Variants in APBB2 observed in about 807,000 individuals in gnomAD.
APBB2 encodes the protein Fe65-like 1.
Under a neutral mutation model 82.5 loss-of-function variants are expected in APBB2, and 38 were observed. The observed-to-expected ratio is 0.46, with a 90% CI of 0.36 to 0.60. The LOEUF (loss-of-function observed/expected upper bound fraction) is 0.60, where lower values mean the gene tolerates loss of function less well. APBB2 is among the 20% of genes least tolerant of loss of function. APBB2 has a pLI of 0.00. For synonymous variants in APBB2, 341 were observed against 368.2 expected (o/e 0.93, Z 0.85); for missense variants, 772 against 972.3 (o/e 0.79, Z 2.74).
chr4:40,907,365 ATATATATATATATATTTTTTTT>A (rs1244707973), intron 10 of APBB2, among the ~76,000 whole-genome samples: 13 of 85,028 alleles, frequency 1.5e-4, no homozygotes, highest in African/African-American at 9.8e-4. Flanking sequence ...ATATATATAT[ATATATATATATATATTTTTTTT>A]TTTTTTTTTT....
At chr4:40,992,821 A>G (rs1016125352) in intron 6 of APBB2, among the ~76,000 whole-genome samples, 4 of 152,144 alleles carry the variant, frequency 2.6e-5, no homozygotes, top group Non-Finnish European at 2.9e-5. Flanking sequence ...GGCAATGACG[A>G]ACAAGCCAAA....
intron 10 of APBB2, among the ~76,000 whole-genome samples, chr4:40,929,520 C>T (rs1471328773): frequency 6.6e-6 from 1 of 152,116 alleles, no homozygotes; most frequent in East Asian, 1.9e-4. Flanking sequence ...AGGATGGTCT[C>T]GATCTCCTGA....
chr4:40,982,325 A>AG (rs1250653516), intron 6 of APBB2, among the ~76,000 whole-genome samples: 1 of 60,142 alleles, frequency 1.7e-5, no homozygotes, highest in African/African-American at 7.1e-5. Context: ...AAAGAAAGAA[A>AG]AGAAAGAAGG....
intron 1 of APBB2, among the ~76,000 whole-genome samples, chr4:41,202,623 A>G (rs1776971026): frequency 6.6e-6 from 1 of 152,184 alleles, no homozygotes; most frequent in Non-Finnish European, 1.5e-5. Flanking sequence ...TTACAACTGC[A>G]TCACATAGAA....
chr4:41,177,055 T>C (rs939764520), intron 1 of APBB2, among the ~76,000 whole-genome samples: 1 of 151,894 alleles, frequency 6.6e-6, no homozygotes, highest in African/African-American at 2.4e-5. Flanking sequence ...TGGGCTGATG[T>C]CCTGGGTCCT....
rs1318281333 is a variant in APBB2 at position 40,880,978 on chromosome 4, T to C, written c.1529+9386A>G. On this transcript the variant is annotated intron_variant, in intron 12 of 17. Transcript: ENST00000508593. ...ATCTGTCTGAAAATGCCCTCCCACT[T>C]TCCTCTAAGGGAAACTGTTCTTGGA... 3.0e-6 allele frequency: 3 copies of C among 985,314 alleles called. No individual in the cohort carries two copies. In the African/African-American group the frequency reaches 5.2e-5, roughly 17 times the overall value. 61.0% of individuals were successfully genotyped at this position (985,314 alleles called of 1,614,324 possible).
chr4:41,153,584 T>C (rs1249456933), intron 1 of APBB2, among the ~76,000 whole-genome samples: 1 of 152,194 alleles, frequency 6.6e-6, no homozygotes, highest in East Asian at 1.9e-4. Flanking sequence ...TCTTGGCACC[T>C]AGTAGTACAA....
chr4:40,820,365 G>A (rs930729984), intron 17 of APBB2, among the ~76,000 whole-genome samples: 3 of 152,046 alleles, frequency 2.0e-5, no homozygotes, highest in South Asian at 2.1e-4. Flanking sequence ...CTGGATACTC[G>A]TCTAAAATCT....
intron 3 of APBB2, among the ~76,000 whole-genome samples, chr4:41,081,254 A>T (rs1737506647): frequency 6.6e-6 from 1 of 152,222 alleles, no homozygotes; most frequent in Non-Finnish European, 1.5e-5. Flanking sequence ...GATTCTGCAC[A>T]GCAGTGTGTG....
chr4:41,199,089 C>T lies in APBB2; in HGVS notation c.-417+15316G>A, dbSNP rs141016361. ...CAGTATGACCTCACCTTAACATCTG[C>T]AAAAACCCTTTTCAAAATAAGGTTA... On this transcript the variant is annotated intron_variant, in intron 1 of 17. Coordinates refer to ENST00000508593, the MANE Select transcript of APBB2 (RefSeq NM_004307.2). 3.0e-3 allele frequency among the ~76,000 whole-genome samples: 464 copies of T among 152,250 alleles called. 2 individuals are homozygous for T. The highest frequency in any genetic ancestry group is 0.011 in the African/African-American group (437 of 41,550).
chr4:41,147,162 T>C (rs1223574505), intron 1 of APBB2, among the ~76,000 whole-genome samples: 1 of 152,194 alleles, frequency 6.6e-6, no homozygotes, highest in Non-Finnish European at 1.5e-5. Context: ...AAATCATAGC[T>C]TTGTGGTGAG....
intron 4 of APBB2, among the ~76,000 whole-genome samples, chr4:41,049,485 A>T (rs1464634080): frequency 6.9e-6 from 1 of 144,990 alleles, no homozygotes; most frequent in Non-Finnish European, 1.5e-5. Context: ...CCGCCCGGCC[A>T]GCCGCCCCGT....
chr4:40,818,146 A>G lies in APBB2; in HGVS notation c.2113-1887T>C, dbSNP rs192095614. ...AGAACGTTAGTGTCAATAGATATTC[A>G]CATGGTATAAATTCACATACGGACC... On this transcript the variant is annotated intron_variant, in intron 17 of 17. Coordinates refer to ENST00000508593, the MANE Select transcript of APBB2 (RefSeq NM_004307.2). 5.9e-5 allele frequency among the ~76,000 whole-genome samples: 9 copies of G among 152,350 alleles called. No individual in the cohort carries two copies. In the East Asian group the frequency reaches 1.7e-3, roughly 29 times the overall value.
chr4:41,150,708 T>C (rs928566843), intron 1 of APBB2, among the ~76,000 whole-genome samples: 2 of 152,168 alleles, frequency 1.3e-5, no homozygotes, highest in Admixed American at 1.3e-4. Context: ...CCTGAAAGAA[T>C]CTCTACAACA....
chr4:41,023,191 C>G (rs1213145990), intron 5 of APBB2, among the ~76,000 whole-genome samples: 1 of 152,168 alleles, frequency 6.6e-6, no homozygotes, highest in East Asian at 1.9e-4. Context: ...GCAATCCTAT[C>G]AGCTCAAAGC....
At chr4:41,053,271 G>A (rs1400174896) in intron 4 of APBB2, among the ~76,000 whole-genome samples, 1 of 151,580 alleles carries the variant, frequency 6.6e-6, no homozygotes, top group African/African-American at 2.4e-5. Flanking sequence ...AACTAGAGAC[G>A]ACAATTTTCA....
chr4:41,020,987 T>C (rs1312508926), intron 5 of APBB2, among the ~76,000 whole-genome samples: 1 of 152,210 alleles, frequency 6.6e-6, no homozygotes, highest in Non-Finnish European at 1.5e-5. Flanking sequence ...CAAACTCTTA[T>C]ACCAACCTCT....
intron 5 of APBB2, among the ~76,000 whole-genome samples, chr4:41,022,170 C>G (rs543049193): frequency 3.3e-5 from 5 of 152,314 alleles, no homozygotes; most frequent in Admixed American, 6.5e-5. Context: ...GAACTGTTCT[C>G]AACCCTGGCC....
chr4:40,952,628 G>C (rs921446966), intron 6 of APBB2, among the ~76,000 whole-genome samples: 13 of 152,130 alleles, frequency 8.5e-5, no homozygotes, highest in Admixed American at 3.3e-4. Context: ...CCCTGACTGG[G>C]TGTGAGGCCT....
Sources: gnomAD v4.1 joint callset for allele counts (sites outside exome capture counted in the v4.1 genomes callset) on GRCh38, gnomAD v4.1.1 for gene constraint, MANE v1.5 for transcripts, NCBI Gene and HGNC (gene_info 2026-07-23, HGNC 2026-07-21) for gene names.